Variants in MAP7D2 observed in about 807,000 individuals in gnomAD.
MAP7D2 encodes MAP7 domain-containing protein 2.
MAP7D2 carries 33 observed loss-of-function variants against 63.5 expected under a neutral mutation model. That is an observed-to-expected ratio of 0.52 (90% CI 0.39 to 0.70). The LOEUF (loss-of-function observed/expected upper bound fraction) is 0.70. Among genes scored for constraint, MAP7D2 ranks in the 30% least tolerant of loss-of-function variants. MAP7D2 has a pLI of 0.00. For synonymous variants in MAP7D2, 224 were observed against 223.7 expected (o/e 1.00, Z -0.01); for missense variants, 626 against 604.0 (o/e 1.04, Z -0.38).
chrX:20,073,043 TC>T (rs200276910), intron 1 of MAP7D2, among the ~76,000 whole-genome samples: 5 of 109,649 alleles, frequency 4.6e-5, no homozygotes, highest in Non-Finnish European at 7.6e-5. Context: ...TTTGTAGTGC[TC>T]CCCCCCACCC....
intron 1 of MAP7D2, among the ~76,000 whole-genome samples, chrX:20,075,746 A>G (rs929075014): frequency 1.8e-5 from 2 of 112,090 alleles, no homozygotes; most frequent in African/African-American, 6.5e-5. Context: ...TATTTCTTCG[A>G]CTATTACATG....
intron 8 of MAP7D2, among the ~76,000 whole-genome samples, chrX:20,036,885 C>T (rs1432966617): frequency 1.3e-5 from 1 of 78,529 alleles, no homozygotes; most frequent in African/African-American, 5.4e-5. Context: ...GCCTGGGTGA[C>T]AGTGTGAGAC....
chrX:20,088,013 C>G (rs370730024), intron 1 of MAP7D2, among the ~76,000 whole-genome samples: 1 of 105,856 alleles, frequency 9.4e-6, no homozygotes, highest in East Asian at 2.9e-4. Context: ...CCTCAGCCTC[C>G]TGAATAGTTG....
intron 1 of MAP7D2, among the ~76,000 whole-genome samples, chrX:20,073,143 T>C (rs773692815): frequency 1.8e-5 from 2 of 111,888 alleles, no homozygotes; most frequent in South Asian, 7.5e-4. Context: ...ATCTGCGGCC[T>C]TCTCCCAAAT....
chrX:20,042,985 C>G (rs1374849178), intron 7 of MAP7D2, among the ~76,000 whole-genome samples: 1 of 111,811 alleles, frequency 8.9e-6, no homozygotes, highest in Non-Finnish European at 1.9e-5. Context: ...TTACAACATC[C>G]AAGACAGTGA....
At position 20,025,956 on chromosome X, in the gene MAP7D2, G is replaced by C. The variant is rs1439809435; in HGVS notation, c.1008-4C>G. 1.0e-5 allele frequency: 12 copies of C among 1,204,427 alleles called. No homozygotes were observed. The highest frequency in any genetic ancestry group is 1.2e-5 in the Non-Finnish European group (11 of 892,432). On this transcript the variant is annotated splice_region_variant and splice_polypyrimidine_tract_variant and intron_variant, in intron 8 of 16. Transcript: ENST00000379643. The stretch of plus-strand genomic sequence containing the variant: ...TGGATAAGCTTTAGTAGCTGTCCTG[G>C]AAAACAAAAAATATGCCAGAGGATG...
intron 8 of MAP7D2, among the ~76,000 whole-genome samples, chrX:20,031,062 G>A (rs192654853): frequency 0.02 from 2,269 of 110,842 alleles, 68 homozygotes; most frequent in African/African-American, 0.071. Context: ...AGGCTGAGGC[G>A]GGTGGATCAC....
At chrX:20,017,868 A>G (rs1295362056) in intron 10 of MAP7D2, among the ~76,000 whole-genome samples, 4 of 111,969 alleles carry the variant, frequency 3.6e-5, no homozygotes, top group African/African-American at 1.3e-4. Flanking sequence ...GTCCCAGAGA[A>G]GTTAACACAC....
chrX:20,085,573 C>T (rs2065891241), intron 1 of MAP7D2, among the ~76,000 whole-genome samples: 1 of 112,382 alleles, frequency 8.9e-6, no homozygotes, highest in Admixed American at 9.4e-5. Context: ...TATCCACCTT[C>T]TGAGGTTTCA....
At chrX:20,064,344 T>C (rs5955879) in intron 2 of MAP7D2, among the ~76,000 whole-genome samples, 10,835 of 111,697 alleles carry the variant, frequency 0.097, 1,259 homozygotes, top group African/African-American at 0.33. Flanking sequence ...ATGACTCAAG[T>C]GCTGATTTTC....
At chrX:20,034,632 C>T (rs925931345) in intron 8 of MAP7D2, among the ~76,000 whole-genome samples, 1 of 111,428 alleles carries the variant, frequency 9.0e-6, no homozygotes, top group African/African-American at 3.3e-5. Context: ...TCCCTTGCGC[C>T]CCTTCCATCA....
intron 1 of MAP7D2, among the ~76,000 whole-genome samples, chrX:20,077,868 A>T (rs774158690): frequency 3.5e-4 from 39 of 112,412 alleles, no homozygotes; most frequent in African/African-American, 1.2e-3. Flanking sequence ...TGCAAAGAGT[A>T]TATCAGTTAC....
intron 1 of MAP7D2, among the ~76,000 whole-genome samples, chrX:20,095,834 C>A (rs1290826947): frequency 9.1e-6 from 1 of 110,327 alleles, no homozygotes; most frequent in Non-Finnish European, 1.9e-5. Flanking sequence ...AATCTCAGCA[C>A]TTTGGGAGGC....
chrX:20,072,484 C>G (rs1340951606), intron 1 of MAP7D2, among the ~76,000 whole-genome samples: 1 of 111,528 alleles, frequency 9.0e-6, no homozygotes, highest in African/African-American at 3.3e-5. Flanking sequence ...TCTTGTAGCC[C>G]CCAAAGGGCC....
chrX:20,071,294 T>C (rs779192204), intron 1 of MAP7D2, among the ~76,000 whole-genome samples: 1 of 112,560 alleles, frequency 8.9e-6, no homozygotes, highest in South Asian at 3.7e-4. Context: ...TTCAAAAATA[T>C]AGATGCCTGG....
At position 20,064,629 on chromosome X, in the gene MAP7D2, C is replaced by T. The variant is rs1187399016; in HGVS notation, c.208+99G>A. The T allele has an allele frequency of 6.0e-6, 4 of 662,077 alleles. No homozygotes were observed. In the African/African-American group the frequency reaches 6.5e-5, roughly 11 times the overall value. The allele number at this position is 662,077 out of a possible 1,213,427, so 54.6% of individuals were successfully genotyped here. On this transcript the variant is annotated intron_variant, in intron 2 of 16. Transcript: ENST00000379643. ...TTCTTCATGTTCATCTAGCAACTGT[C>T]CTAGTTCCCATTCATTCACAAATTT...
At chrX:20,091,364 T>A (rs1355536949) in intron 1 of MAP7D2, among the ~76,000 whole-genome samples, 1 of 106,376 alleles carries the variant, frequency 9.4e-6, no homozygotes, top group Non-Finnish European at 1.9e-5. Flanking sequence ...AGAACACTCT[T>A]TAGCAATAAA....
chrX:20,059,589 T>TGGAAGGAA (rs778547441), intron 3 of MAP7D2, among the ~76,000 whole-genome samples: 772 of 74,143 alleles, frequency 0.01, 18 homozygotes, highest in African/African-American at 0.036. Flanking sequence ...AGTGGAAGGG[T>TGGAAGGAA]GGAAGGAAGG....
At chrX:20,050,216 T>C (rs964301488) in intron 6 of MAP7D2, among the ~76,000 whole-genome samples, 6 of 111,228 alleles carry the variant, frequency 5.4e-5, no homozygotes, top group African/African-American at 2.0e-4. Flanking sequence ...GTCCAGTGTT[T>C]CTCAGACTTC....
Sources: gnomAD v4.1 joint callset for allele counts (sites outside exome capture counted in the v4.1 genomes callset) on GRCh38, gnomAD v4.1.1 for gene constraint, MANE v1.5 for transcripts, NCBI Gene and HGNC (gene_info 2026-07-23, HGNC 2026-07-21) for gene names.